Variants in FSTL4 observed in about 807,000 individuals in gnomAD.
FSTL4 encodes the protein follistatin like 4.
In FSTL4, 28 loss-of-function variants were observed where a neutral mutation model predicts 78.2. That is an observed-to-expected ratio of 0.36 (90% CI 0.27 to 0.49). The LOEUF is 0.49. FSTL4 is among the 20% of genes least tolerant of loss of function. The probability of loss-of-function intolerance (pLI) is 0.98; values close to 1 mark genes in which losing one functional copy is unlikely to be tolerated. For missense variants in FSTL4, 922 were observed against 1,084.9 expected, an observed-to-expected ratio of 0.85 and a Z score of 2.11; for synonymous variants, 422 against 440.5, an observed-to-expected ratio of 0.96 and a Z score of 0.53.
chr5:133,725,194 C>T, the FSTL4 span, among the ~76,000 whole-genome samples: 1 of 152,168 alleles, frequency 6.6e-6, no homozygotes. Flanking sequence ...ATTGTTTTAG[C>T]TCTTCTCAGT....
the FSTL4 span, among the ~76,000 whole-genome samples, chr5:133,782,072 C>G: frequency 6.6e-6 from 1 of 152,226 alleles, no homozygotes; most frequent in Non-Finnish European, 1.5e-5. Flanking sequence ...TACCCACCCC[C>G]ACTGCTTCTC....
chr5:133,311,555 A>C (rs1753784973), intron 6 of FSTL4, among the ~76,000 whole-genome samples: 1 of 152,186 alleles, frequency 6.6e-6, no homozygotes, highest in Non-Finnish European at 1.5e-5. Context: ...CCTTCTTGCC[A>C]ACAAATCACA....
At chr5:133,207,800 CA>C (rs1350242718) in intron 14 of FSTL4, 1 of 152,132 alleles carries the variant, frequency 6.6e-6, no homozygotes, top group Non-Finnish European at 1.5e-5. Flanking sequence ...GGTGCGTCAG[CA>C]CACCTGGCTA....
upstream of FSTL4, among the ~76,000 whole-genome samples, chr5:133,617,298 C>CAAAAAA (rs145317097): frequency 3.2e-5 from 2 of 61,938 alleles, no homozygotes; most frequent in Non-Finnish European, 5.9e-5. Flanking sequence ...GACTCCATCT[C>CAAAAAA]AAAAAAAAAA....
At chr5:133,401,417 C>T (rs1756221450) in intron 3 of FSTL4, among the ~76,000 whole-genome samples, 1 of 152,206 alleles carries the variant, frequency 6.6e-6, no homozygotes, top group African/African-American at 2.4e-5. Flanking sequence ...TCACAGTCAG[C>T]CTCCTGGACT....
chr5:133,666,395 AT>A, the FSTL4 span, among the ~76,000 whole-genome samples: 1 of 152,162 alleles, frequency 6.6e-6, no homozygotes, highest in Non-Finnish European at 1.5e-5. Flanking sequence ...CTTTTCTCCC[AT>A]TTTATTGTTC....
intron 3 of FSTL4, among the ~76,000 whole-genome samples, chr5:133,466,521 G>A (rs986896805): frequency 2.0e-5 from 3 of 149,878 alleles, no homozygotes; most frequent in East Asian, 3.9e-4. Flanking sequence ...CGGCCTGGGC[G>A]AAAGAGCGAG....
At chr5:133,645,860 T>C in the FSTL4 span, among the ~76,000 whole-genome samples, 1 of 152,146 alleles carries the variant, frequency 6.6e-6, no homozygotes, top group Non-Finnish European at 1.5e-5. Context: ...CTCTAGAGCC[T>C]TTGGAGGGAG....
chr5:133,532,979 C>A (rs775522975), intron 3 of FSTL4, among the ~76,000 whole-genome samples: 1 of 152,186 alleles, frequency 6.6e-6, no homozygotes, highest in African/African-American at 2.4e-5. Flanking sequence ...ACCCCAGAGA[C>A]CCTGTCTCAG....
chr5:133,601,119 C>A (rs1760858898), intron 2 of FSTL4, among the ~76,000 whole-genome samples: 1 of 152,196 alleles, frequency 6.6e-6, no homozygotes, highest in Non-Finnish European at 1.5e-5. Context: ...GGAAAACCAT[C>A]CACGTCCCCA....
At chr5:133,511,047 G>A (rs575906114) in intron 3 of FSTL4, among the ~76,000 whole-genome samples, 53 of 152,150 alleles carry the variant, frequency 3.5e-4, no homozygotes, top group Non-Finnish European at 2.8e-4. Flanking sequence ...GAGTTTTTGC[G>A]AGCTCAGTTT....
intron 6 of FSTL4, among the ~76,000 whole-genome samples, chr5:133,311,631 G>T (rs1210491027): frequency 6.6e-6 from 1 of 152,218 alleles, no homozygotes; most frequent in South Asian, 2.1e-4. Flanking sequence ...TCACTCTGAA[G>T]CAGGAATACT....
At chr5:133,743,814 G>T in the FSTL4 span, among the ~76,000 whole-genome samples, 2 of 152,120 alleles carry the variant, frequency 1.3e-5, no homozygotes, top group African/African-American at 2.4e-5. Context: ...ATTTCCATTT[G>T]GTTCCCATAC....
chr5:133,770,870 G>C, the FSTL4 span, among the ~76,000 whole-genome samples: 1 of 151,670 alleles, frequency 6.6e-6, no homozygotes, highest in African/African-American at 2.4e-5. Context: ...CTTATGTTTA[G>C]GTCTTCAATC....
the FSTL4 span, among the ~76,000 whole-genome samples, chr5:133,644,617 A>G: frequency 6.6e-6 from 1 of 152,116 alleles, no homozygotes; most frequent in African/African-American, 2.4e-5. Flanking sequence ...GGAAAGACCA[A>G]CTGGAAGTTT....
intron 2 of FSTL4, among the ~76,000 whole-genome samples, chr5:133,579,786 A>G (rs889638518): frequency 6.6e-6 from 1 of 152,238 alleles, no homozygotes; most frequent in Non-Finnish European, 1.5e-5. Context: ...TGTGCCCTCC[A>G]GTACAGTCCT....
At chr5:133,695,288 T>C in the FSTL4 span, among the ~76,000 whole-genome samples, 1 of 152,186 alleles carries the variant, frequency 6.6e-6, no homozygotes, top group African/African-American at 2.4e-5. Flanking sequence ...TAACCTCAAC[T>C]GTGCATACCA....
At chr5:133,616,478 T>C (rs973735375), upstream of FSTL4, among the ~76,000 whole-genome samples, 2 of 152,096 alleles carry the variant, frequency 1.3e-5, no homozygotes, top group African/African-American at 4.8e-5. Context: ...CACAGCTCAC[T>C]GTAGCCTCAA....
intron 7 of FSTL4, among the ~76,000 whole-genome samples, chr5:133,240,034 T>C (rs1291407621): frequency 6.6e-6 from 1 of 152,228 alleles, no homozygotes; most frequent in Non-Finnish European, 1.5e-5. Flanking sequence ...CTTTGTTCTT[T>C]TGCTCTTTGC....
Sources: allele counts gnomAD v4.1 joint callset (sites outside exome capture counted in the v4.1 genomes callset), GRCh38; gene constraint gnomAD v4.1.1; transcripts MANE v1.5; gene names NCBI Gene and HGNC (gene_info 2026-07-23, HGNC 2026-07-21).